Variants in SLC35E2B observed in about 807,000 individuals in gnomAD.
SLC35E2B encodes the protein solute carrier family 35 member E2B.
A neutral mutation model predicts 32.4 loss-of-function variants in SLC35E2B; 18 were observed. That is an observed-to-expected ratio of 0.56 (90% confidence interval 0.38 to 0.82). SLC35E2B has a LOEUF of 0.82. Among genes scored for constraint, SLC35E2B ranks in the 40% least tolerant of loss-of-function variants. The probability of loss-of-function intolerance (pLI) is 0.00; values close to 1 mark genes in which losing one functional copy is unlikely to be tolerated. For synonymous variants in SLC35E2B, 132 were observed against 209.1 expected, an observed-to-expected ratio of 0.63 and a Z score of 3.18; for missense variants, 263 against 469.5, an observed-to-expected ratio of 0.56 and a Z score of 4.06.
rs1643681029 is a variant in SLC35E2B at position 1,671,303 on chromosome 1, G to A, written c.707+206C>T. The A allele has an allele frequency of 1.3e-5, 6 of 459,096 alleles. No individual in the cohort carries two copies. In the East Asian group the frequency reaches 2.2e-4, roughly 17 times the overall value. The allele number at this position is 459,096 out of a possible 1,614,324, so 28.4% of individuals were successfully genotyped here. The stretch of plus-strand genomic sequence containing the variant: ...CCATGGTTAGCATTTTAAGTACCAA[G>A]ACCGTCCATCCTGAAATTTCGGCTT... On this transcript the variant is annotated intron_variant, in intron 6 of 9. Transcript: ENST00000617444.
At chr1:1,674,922 C>T (rs1404586316) in intron 5 of SLC35E2B, among the ~76,000 whole-genome samples, 1 of 152,122 alleles carries the variant, frequency 6.6e-6, no homozygotes, top group East Asian at 1.9e-4. Flanking sequence ...ACTGGGTACG[C>T]GACATGGGGC....
chr1:1,686,325 T>C (rs1184970665), intron 2 of SLC35E2B, among the ~76,000 whole-genome samples: 7 of 48,648 alleles, frequency 1.4e-4, no homozygotes, highest in Non-Finnish European at 2.8e-4. Context: ...TTTTTTCTTT[T>C]TTTTTTTTTT....
In SLC35E2B at chr1:1,670,141, C is replaced by G. The variant is rs1557753163; in HGVS notation, c.718G>C (p.Val240Leu). Residue 240 changes from valine to leucine, a missense_variant, in exon 7 of 10, where the codon GTT (valine) becomes CTT (leucine). This residue lies in a region of SLC35E2B where 129 missense variants were observed against 164.5 expected (regional missense o/e 0.78). Transcript: ENST00000617444. The part of the protein sequence containing the change: ...STNIMDCLQN[V>L]FSKKLLSGDK... ...CCGCTGAGCAGCTTTTTTGAAAAAA[C>G]ATTTTGCAAACTAGAATAAAGAAAA... 6.4e-7 allele frequency: 1 copy of G among 1,551,194 alleles called. No individual in the cohort carries two copies. The highest frequency in any genetic ancestry group is 2.4e-5 in the East Asian group (1 of 40,912).
chr1:1,669,787 C>G (rs1247726765), intron 7 of SLC35E2B, 51 bp from the exon 8 acceptor site: 18 of 1,528,540 alleles, frequency 1.2e-5, no homozygotes, highest in Non-Finnish European at 1.4e-5. Context: ...AGGCCGAGTT[C>G]ACACGCAGCT....
In SLC35E2B at chr1:1,692,699, C is replaced by G. The variant is rs1557770381; in HGVS notation, c.-816G>C. The G allele has an allele frequency of 6.1e-6, 6 of 983,520 alleles. No individual in the cohort carries two copies. Among genetic ancestry groups the G allele is most frequent in the Non-Finnish European group, 7.2e-6 (6 of 828,786 alleles). The allele number at this position is 983,520 out of a possible 1,614,324, so 60.9% of individuals were successfully genotyped here. ...ATCGGGCTCCTCGCTGCCCCGCGGG[C>G]GCCGCTCCTCAGTGCCCCAGAGCCA... is the stretch of plus-strand genomic sequence containing the variant. On this transcript the variant is annotated 5_prime_UTR_variant, in exon 1 of 10. Transcript: ENST00000617444.
At chr1:1,687,827 G>A (rs548009524) in intron 2 of SLC35E2B, among the ~76,000 whole-genome samples, 16 of 152,222 alleles carry the variant, frequency 1.1e-4, no homozygotes, top group African/African-American at 3.9e-4. Context: ...CCCGGAGGCG[G>A]AGGTTGCAGG....
intron 2 of SLC35E2B, among the ~76,000 whole-genome samples, chr1:1,682,040 A>T (rs1003994685): frequency 3.7e-5 from 4 of 107,530 alleles, no homozygotes; most frequent in African/African-American, 7.2e-5. Context: ...AAAAAAAAAA[A>T]GAAGAGACAG....
chr1:1,669,713 G>A lies in SLC35E2B; in HGVS notation c.785C>T (p.Thr262Ile), dbSNP rs1409646949. The A allele has an allele frequency of 3.2e-6, 5 of 1,546,660 alleles. No homozygotes were observed. The highest frequency in any genetic ancestry group is 4.4e-6 in the Non-Finnish European group (5 of 1,144,794). The change falls in exon 8 of 10, where the codon ACC (threonine) becomes ATC (isoleucine). Residue 262 changes from threonine to isoleucine, a missense_variant. By Grantham distance (89) the Thr-to-Ile change is moderately conservative. Transcript: ENST00000617444. ...GAGCATGGCCACCGCAGCGGCGCTG[G>A]TGTAGAACTGCAGCTCCGGGGCCCT... ...RFSAPELQFYTSAAAVAMLVP... is the reference protein window; with the variant it reads ...RFSAPELQFYISAAAVAMLVP...
intron 5 of SLC35E2B, among the ~76,000 whole-genome samples, chr1:1,674,850 C>T: frequency 6.6e-6 from 1 of 152,028 alleles, no homozygotes; most frequent in Non-Finnish European, 1.5e-5. Context: ...CACCCCCCGA[C>T]TCCGTTCAAG....
At chr1:1,667,370 G>C (rs1312522195) in intron 9 of SLC35E2B, among the ~76,000 whole-genome samples, 1 of 152,076 alleles carries the variant, frequency 6.6e-6, no homozygotes, top group Non-Finnish European at 1.5e-5. Context: ...CCGAGACTGC[G>C]ATACTGAACT....
chr1:1,692,449 C>A lies in SLC35E2B; in HGVS notation c.-566G>T. 1 of 990,050 alleles carries A rather than the reference C, an allele frequency of 1.0e-6. No individual in the cohort carries two copies. Among genetic ancestry groups the A allele is most frequent in the Non-Finnish European group, 1.2e-6 (1 of 833,754 alleles). 61.3% of individuals were successfully genotyped at this position (990,050 alleles called of 1,614,324 possible). On this transcript the variant is annotated splice_region_variant and 5_prime_UTR_variant, in exon 1 of 10. Transcript: ENST00000617444. ...AGAGCACCCCGCACGCAGAACCCAC[C>A]GAGAGCCTGATGCAGTCTCCGCCGC...
At chr1:1,679,054 C>T (rs1426557634) in intron 2 of SLC35E2B, among the ~76,000 whole-genome samples, 2 of 152,172 alleles carry the variant, frequency 1.3e-5, no homozygotes, top group Non-Finnish European at 2.9e-5. Context: ...CCCTTGACCT[C>T]TCCCTCCCAC....
chr1:1,686,549 C>A (rs566715275), intron 2 of SLC35E2B, among the ~76,000 whole-genome samples: 1 of 151,552 alleles, frequency 6.6e-6, no homozygotes, highest in African/African-American at 2.4e-5. Context: ...TTTGGGAGGC[C>A]GAGGCGGGTG....
At chr1:1,688,484 C>CA (rs1394632360) in intron 2 of SLC35E2B, among the ~76,000 whole-genome samples, 2 of 151,692 alleles carry the variant, frequency 1.3e-5, no homozygotes, top group African/African-American at 4.9e-5. Context: ...CCTGTAATCC[C>CA]AGCTACTCAG....
At chr1:1,668,843 T>C (rs968575162) in intron 8 of SLC35E2B, among the ~76,000 whole-genome samples, 45 of 151,890 alleles carry the variant, frequency 3.0e-4, no homozygotes, top group Non-Finnish European at 3.1e-4. Flanking sequence ...ACATAAAAAC[T>C]AGCCAGGCGT....
At chr1:1,669,557 G>A (rs1643630511) in intron 8 of SLC35E2B, 107 bp downstream of exon 8, 2 of 1,207,276 alleles carry the variant, frequency 1.7e-6, no homozygotes, top group Non-Finnish European at 2.3e-6. Flanking sequence ...GCGGAGCTGG[G>A]CCCAACCAGC....
intron 9 of SLC35E2B, among the ~76,000 whole-genome samples, chr1:1,667,205 G>C (rs1643569436): frequency 6.8e-6 from 1 of 146,310 alleles, no homozygotes; most frequent in Non-Finnish European, 1.5e-5. Flanking sequence ...AGGAGATCGA[G>C]ACCATCCTGG....
Position 1,683,469 on chromosome 1 carries a change from G to A in SLC35E2B, c.-147-6623C>T, listed in dbSNP as rs114315094. Reference sequence around the variant, plus strand: ...AAAGAAAACAGAGGAGCAGCCGGCCGCAGAGACGCGCAGGCAAGGCCTGGG... The same window carrying A: ...AAAGAAAACAGAGGAGCAGCCGGCCACAGAGACGCGCAGGCAAGGCCTGGG... On this transcript the variant is annotated intron_variant, in intron 2 of 9. Coordinates refer to ENST00000617444, the MANE Select transcript of SLC35E2B (RefSeq NM_001290264.2). Among the ~76,000 whole-genome samples, 1,333 of 152,324 alleles carry A rather than the reference G, an allele frequency of 8.8e-3. 29 individuals are homozygous for A. Among genetic ancestry groups the A allele is most frequent in the African/African-American group, 0.031 (1,276 of 41,558 alleles).
At position 1,663,846 on chromosome 1, in the gene SLC35E2B, C is replaced by T. The variant is rs1385349301; in HGVS notation, c.*1936G>A. 1.0e-4 allele frequency: 91 copies of T among 911,470 alleles called. 17 individuals are homozygous for T. Among genetic ancestry groups the T allele is most frequent in the Non-Finnish European group, 1.1e-4 (85 of 762,490 alleles). The allele number at this position is 911,470 out of a possible 1,614,324, so 56.5% of individuals were successfully genotyped here. ...GTCACGTGACAAAACATCTTCGCAGCGCAGTGAGCACACACCTGGCCTGTC... is the reference window on the plus strand; with the variant it reads ...GTCACGTGACAAAACATCTTCGCAGTGCAGTGAGCACACACCTGGCCTGTC... On this transcript the variant is annotated 3_prime_UTR_variant, in exon 10 of 10. Transcript: ENST00000617444.
Sources: allele counts gnomAD v4.1 joint callset (sites outside exome capture counted in the v4.1 genomes callset), GRCh38; gene constraint gnomAD v4.1.1; regional missense constraint gnomAD v4.1.1; transcripts MANE v1.5; gene names NCBI Gene and HGNC (gene_info 2026-07-23, HGNC 2026-07-21).